ADGRD1: variants seen among roughly 807,000 people sequenced by gnomAD.
The protein encoded by ADGRD1 is adhesion G protein-coupled receptor D1.
In ADGRD1, 77 loss-of-function variants were observed where a neutral mutation model predicts 113.4. That is an observed-to-expected ratio of 0.68 (90% CI 0.57 to 0.82). ADGRD1 has a LOEUF of 0.82. Ranked by LOEUF, ADGRD1 falls within the 40% of genes least tolerant of loss-of-function variation. ADGRD1 has a pLI of 0.00. For synonymous variants in ADGRD1, 474 were observed against 475.0 expected (o/e 1.00, Z 0.03); for missense variants, 1,036 against 1,139.1 (o/e 0.91, Z 1.30).
chr12:131,131,661 G>A, intron 20 of ADGRD1, 64 bp from the exon 21 acceptor site: 1 of 1,181,712 alleles, frequency 8.5e-7, no homozygotes, highest in East Asian at 2.4e-5. Flanking sequence ...TGGCCAGGCG[G>A]ACGCAGCTCT....
intron 19 of ADGRD1, 139 bp downstream of exon 19, chr12:131,118,590 T>C (rs904396526): frequency 1.0e-5 from 6 of 587,942 alleles, no homozygotes; most frequent in Non-Finnish European, 1.5e-5. Flanking sequence ...GCCCAGCCGG[T>C]GAGAAAGTCG....
intron 13 of ADGRD1, among the ~76,000 whole-genome samples, chr12:131,073,122 C>T (rs905976242): frequency 2.0e-5 from 3 of 152,204 alleles, no homozygotes; most frequent in Non-Finnish European, 4.4e-5. Context: ...AGGGTCCTGC[C>T]CACCTCCCAC....
intron 13 of ADGRD1, among the ~76,000 whole-genome samples, chr12:131,059,993 T>C (rs535020386): frequency 4.8e-4 from 73 of 152,368 alleles, no homozygotes; most frequent in Non-Finnish European, 9.3e-4. Flanking sequence ...CTCTGGATCT[T>C]ATTTAAATCT....
intron 21 of ADGRD1, among the ~76,000 whole-genome samples, chr12:131,132,531 G>C (rs1294141691): frequency 6.6e-6 from 1 of 152,004 alleles, no homozygotes; most frequent in East Asian, 1.9e-4. Context: ...TTGCAGCACC[G>C]GGCCCAGCTC....
intron 15 of ADGRD1, chr12:131,091,926 A>G (rs1327177024): frequency 6.6e-6 from 1 of 152,236 alleles, no homozygotes; most frequent in Non-Finnish European, 1.5e-5. Context: ...GGGTGCTGAG[A>G]CACGCCCATG....
chr12:131,064,549 G>A (rs772657177), intron 13 of ADGRD1, among the ~76,000 whole-genome samples: 5 of 152,164 alleles, frequency 3.3e-5, no homozygotes, highest in Non-Finnish European at 7.3e-5. Context: ...TCTTCATTCT[G>A]TGTATTAGGA....
intron 2 of ADGRD1, among the ~76,000 whole-genome samples, chr12:130,958,963 C>T (rs1231804018): frequency 1.3e-5 from 2 of 152,202 alleles, no homozygotes; most frequent in Admixed American, 6.5e-5. Flanking sequence ...GGTCACAGGG[C>T]TCAGAGGACA....
rs79337936 is a variant in ADGRD1, at chr12:131,052,605, G to C, written c.1474-24196G>C. Among the ~76,000 whole-genome samples, 1,067 of 150,350 alleles carry C rather than the reference G, an allele frequency of 7.1e-3. 8 individuals are homozygous for C. The highest frequency in any genetic ancestry group is 0.025 in the African/African-American group (1,019 of 40,946). ...GCAGTCGGGGGGGCATAAAATGCAC[G>C]GATTGGCTTAGACCTAGGGAATGGG... On this transcript the variant is annotated intron_variant, in intron 13 of 24. Coordinates refer to ENST00000261654, the MANE Select transcript of ADGRD1 (RefSeq NM_198827.5).
chr12:131,120,744 C>G, intron 19 of ADGRD1, 103 bp from the exon 20 acceptor site: 2 of 1,083,814 alleles, frequency 1.8e-6, no homozygotes, highest in East Asian at 2.4e-5. Context: ...CCAGGTGGAC[C>G]CTGTAGCTGA....
intron 20 of ADGRD1, among the ~76,000 whole-genome samples, chr12:131,121,739 G>A (rs997586147): frequency 3.9e-5 from 6 of 152,144 alleles, no homozygotes; most frequent in Non-Finnish European, 7.4e-5. Flanking sequence ...GACCATCTGT[G>A]GGGAGGCTGG....
rs1438358669 is a variant in ADGRD1 at position 130,965,901 on chromosome 12, G to A, written c.104-562G>A. Among the ~76,000 whole-genome samples the A allele has an allele frequency of 6.6e-6, 1 of 152,208 alleles. No homozygotes were observed. The highest frequency in any genetic ancestry group is 2.4e-5 in the African/African-American group (1 of 41,454). ...ATTGCGTCTACAATGAGCTGGCAGTGTGATTTTGTGCAAGACTTTCATTTC... is the reference window on the plus strand; with the variant it reads ...ATTGCGTCTACAATGAGCTGGCAGTATGATTTTGTGCAAGACTTTCATTTC... On this transcript the variant is annotated intron_variant, in intron 2 of 24. Coordinates refer to ENST00000261654, the MANE Select transcript of ADGRD1 (RefSeq NM_198827.5). This position sits in a 1 kb window ranked among gnomAD's most constrained non-coding sequence, Gnocchi z 4.8.
intron 13 of ADGRD1, among the ~76,000 whole-genome samples, chr12:131,019,986 A>G (rs57334238): frequency 1.8e-3 from 22 of 12,132 alleles, no homozygotes; most frequent in East Asian, 7.6e-3. Context: ...GGTGCTCGAG[A>G]GAGATATTCC....
intron 13 of ADGRD1, among the ~76,000 whole-genome samples, chr12:131,062,698 T>C (rs750113274): frequency 1.1e-4 from 16 of 152,202 alleles, no homozygotes; most frequent in Non-Finnish European, 1.5e-4. Context: ...ACCCTAGCCA[T>C]GTGGAACTGT....
At position 130,999,808 on chromosome 12, in the gene ADGRD1, C is replaced by T. The variant is rs149068008; in HGVS notation, c.967-575C>T. Among the ~76,000 whole-genome samples the T allele has an allele frequency of 1.4e-3, 206 of 152,212 alleles. 2 individuals are homozygous for T. The highest frequency in any genetic ancestry group is 1.6e-3 in the Non-Finnish European group (108 of 68,016). The stretch of plus-strand genomic sequence containing the variant: ...TGTCCAAGAGTCTGCTTTTTTAAAA[C>T]GAAGTAGAAAATTCACGTTTTCATT... On this transcript the variant is annotated intron_variant, in intron 8 of 24. Coordinates refer to ENST00000261654, the MANE Select transcript of ADGRD1 (RefSeq NM_198827.5).
chr12:131,090,089 C>T (rs12311582), intron 15 of ADGRD1, among the ~76,000 whole-genome samples: 2,869 of 152,276 alleles, frequency 0.019, 93 homozygotes, highest in African/African-American at 0.065. Context: ...AGACGACTTA[C>T]GGTCTCGATC....
chr12:131,109,919 G>A (rs1338359876), intron 18 of ADGRD1, among the ~76,000 whole-genome samples: 1 of 152,136 alleles, frequency 6.6e-6, no homozygotes, highest in Non-Finnish European at 1.5e-5. Flanking sequence ...ACATCTTTCT[G>A]ATGAGTTGAC....
chr12:130,996,089 T>TG (rs1356524385), intron 8 of ADGRD1, among the ~76,000 whole-genome samples: 1 of 152,180 alleles, frequency 6.6e-6, no homozygotes, highest in African/African-American at 2.4e-5. Context: ...AGCACAGGTT[T>TG]GGGGGTAAGG....
intron 13 of ADGRD1, among the ~76,000 whole-genome samples, chr12:131,045,251 G>A (rs1471269757): frequency 4.6e-5 from 7 of 152,254 alleles, no homozygotes; most frequent in African/African-American, 9.6e-5. Context: ...GGTCGCGGCC[G>A]TCATGTGGGC....
At chr12:131,134,031 G>A (rs1352540961) in intron 21 of ADGRD1, among the ~76,000 whole-genome samples, 4 of 152,246 alleles carry the variant, frequency 2.6e-5, no homozygotes, top group Non-Finnish European at 5.9e-5. Context: ...TGAGCAGGGG[G>A]AGAAGCCTGG....
Sources: allele counts gnomAD v4.1 joint callset (sites outside exome capture counted in the v4.1 genomes callset), GRCh38; gene constraint gnomAD v4.1.1; non-coding constraint Gnocchi (gnomAD v3.1); transcripts MANE v1.5; gene names NCBI Gene and HGNC (gene_info 2026-07-23, HGNC 2026-07-21).